The following TMC1 variants were observed in gnomAD, a reference collection of about 807,000 sequenced individuals.
TMC1 encodes the protein transmembrane channel-like protein 1.
TMC1 carries 84 observed loss-of-function variants against 105.8 expected under a neutral mutation model. That is an observed-to-expected ratio of 0.79 (90% CI 0.67 to 0.95). The LOEUF is 0.95. Ranked by LOEUF, TMC1 falls within the 40% of genes least tolerant of loss-of-function variation. The pLI is 0.00. For synonymous variants in TMC1, 315 were observed against 311.5 expected (o/e 1.01, Z -0.12); for missense variants, 817 against 914.1 (o/e 0.89, Z 1.37).
chr9:72,693,919 T>C (rs1826508611), intron 6 of TMC1, among the ~76,000 whole-genome samples: 1 of 152,070 alleles, frequency 6.6e-6, no homozygotes, highest in Non-Finnish European at 1.5e-5. Context: ...CTATTTCTAT[T>C]CATAAGAAAT....
intron 4 of TMC1, among the ~76,000 whole-genome samples, chr9:72,642,609 C>T (rs1825646982): frequency 1.3e-5 from 2 of 152,186 alleles, no homozygotes; most frequent in South Asian, 4.2e-4. Context: ...AGTCAGAAAT[C>T]CAAAAATTTG....
chr9:72,625,687 C>CA (rs554543865), intron 3 of TMC1, among the ~76,000 whole-genome samples: 12,771 of 70,186 alleles, frequency 0.18, 840 homozygotes, highest in African/African-American at 0.28. Flanking sequence ...GACTCTGTCT[C>CA]AAAAAAAAAA....
At chr9:72,532,455 C>T (rs775151718) in intron 1 of TMC1, among the ~76,000 whole-genome samples, 8 of 145,200 alleles carry the variant, frequency 5.5e-5, no homozygotes, top group African/African-American at 1.8e-4. Context: ...GCAGGAGAAT[C>T]GCTTGAATCT....
intron 8 of TMC1, among the ~76,000 whole-genome samples, chr9:72,718,771 A>G (rs574039499): frequency 6.6e-6 from 1 of 152,302 alleles, no homozygotes; most frequent in South Asian, 2.1e-4. Flanking sequence ...AGAACTCCCA[A>G]GAAAATATGA....
intron 5 of TMC1, among the ~76,000 whole-genome samples, chr9:72,671,988 CAAAT>C (rs753588495): frequency 1.3e-5 from 2 of 152,230 alleles, no homozygotes; most frequent in African/African-American, 4.8e-5. Flanking sequence ...AGAACAGAAA[CAAAT>C]AAACCATTTA....
chr9:72,614,350 T>C (rs1245455491), intron 2 of TMC1, among the ~76,000 whole-genome samples: 1 of 152,200 alleles, frequency 6.6e-6, no homozygotes, highest in African/African-American at 2.4e-5. Context: ...TAAAGGTCCA[T>C]AAAGATGAGA....
chr9:72,611,194 G>A (rs17080971), intron 2 of TMC1, among the ~76,000 whole-genome samples: 46,014 of 152,010 alleles, frequency 0.3, 7,536 homozygotes, highest in African/African-American at 0.41. Flanking sequence ...GTATTATTGG[G>A]AACCATCATT....
rs1311729882 is a variant in TMC1, at chr9:72,635,450, A to G, written c.-53+7387A>G. Among the ~76,000 whole-genome samples the G allele has an allele frequency of 2.0e-5, 3 of 152,092 alleles. No individual in the cohort carries two copies. In the East Asian group the frequency reaches 5.8e-4, roughly 29 times the overall value. Reference sequence around the variant, plus strand: ...ACTTCCCAAAAGTCACCTCATTAACACAAACTCTGGTGTGACTGAATAACA... The same window carrying G: ...ACTTCCCAAAAGTCACCTCATTAACGCAAACTCTGGTGTGACTGAATAACA... On this transcript the variant is annotated intron_variant, in intron 4 of 23. Coordinates refer to ENST00000297784, the MANE Select transcript of TMC1 (RefSeq NM_138691.3).
intron 5 of TMC1, among the ~76,000 whole-genome samples, chr9:72,670,156 G>A (rs1452241346): frequency 1.3e-5 from 2 of 152,182 alleles, no homozygotes; most frequent in Non-Finnish European, 2.9e-5. Flanking sequence ...GCTGAATCAT[G>A]ATCAGTGCAT....
intron 5 of TMC1, among the ~76,000 whole-genome samples, chr9:72,684,130 A>G (rs1389024951): frequency 2.6e-5 from 4 of 152,138 alleles, no homozygotes; most frequent in African/African-American, 4.8e-5. Context: ...TTTTCTTTAC[A>G]TTATAGGTGG....
chr9:72,681,230 A>C (rs993893643), intron 5 of TMC1, among the ~76,000 whole-genome samples: 2 of 152,106 alleles, frequency 1.3e-5, no homozygotes, highest in African/African-American at 4.8e-5. Flanking sequence ...GAAAGCATAC[A>C]CTCTGAATAT....
intron 1 of TMC1, among the ~76,000 whole-genome samples, chr9:72,548,446 C>T (rs543470504): frequency 5.9e-5 from 9 of 151,968 alleles, no homozygotes; most frequent in Admixed American, 2.0e-4. Flanking sequence ...GTCAGGCGCA[C>T]GCCTGTAATC....
chr9:72,798,109 T>G (rs184747316), intron 17 of TMC1, among the ~76,000 whole-genome samples: 180 of 152,248 alleles, frequency 1.2e-3, no homozygotes, highest in African/African-American at 4.0e-3. Context: ...AACAAGCATG[T>G]GAAATAAAAC....
At chr9:72,598,471 G>T (rs1336779389) in intron 2 of TMC1, among the ~76,000 whole-genome samples, 1 of 151,282 alleles carries the variant, frequency 6.6e-6, no homozygotes, top group Non-Finnish European at 1.5e-5. Flanking sequence ...GGAGAATGTT[G>T]TGAGGTGCTG....
intron 4 of TMC1, among the ~76,000 whole-genome samples, chr9:72,643,208 A>G (rs375789702): frequency 2.0e-5 from 3 of 149,850 alleles, no homozygotes; most frequent in African/African-American, 4.9e-5. Context: ...TAGATATCAC[A>G]TGTACAGAAG....
intron 17 of TMC1, among the ~76,000 whole-genome samples, chr9:72,795,318 C>A (rs143936881): frequency 1.3e-4 from 20 of 152,264 alleles, no homozygotes; most frequent in African/African-American, 4.6e-4. Context: ...AGATTCTACA[C>A]AGGAAGATCA....
chr9:72,782,621 A>G (rs988304808), intron 13 of TMC1, among the ~76,000 whole-genome samples: 5 of 152,196 alleles, frequency 3.3e-5, no homozygotes, highest in African/African-American at 1.2e-4. Context: ...GTTTCAGAAT[A>G]AAAAACCAAT....
chr9:72,800,376 C>T (rs1443749636), intron 17 of TMC1, among the ~76,000 whole-genome samples: 1 of 152,134 alleles, frequency 6.6e-6, no homozygotes, highest in Non-Finnish European at 1.5e-5. Context: ...ACAGGTTGGC[C>T]TGAAAGCTAA....
intron 10 of TMC1, among the ~76,000 whole-genome samples, chr9:72,749,314 G>A (rs1827541430): frequency 6.6e-6 from 1 of 152,160 alleles, no homozygotes; most frequent in South Asian, 2.1e-4. Flanking sequence ...GATCTTACAT[G>A]CGATTCCAGG....
Sources: gnomAD v4.1 joint callset for allele counts (sites outside exome capture counted in the v4.1 genomes callset) on GRCh38, gnomAD v4.1.1 for gene constraint, MANE v1.5 for transcripts, NCBI Gene and HGNC (gene_info 2026-07-23, HGNC 2026-07-21) for gene names.